The following KCNG2 variants were observed in gnomAD, a reference collection of about 807,000 sequenced individuals.
The protein encoded by KCNG2 is potassium voltage-gated channel modifier subfamily G member 2.
KCNG2 carries 7 observed loss-of-function variants against 12.3 expected under a neutral mutation model. The observed-to-expected ratio is 0.57, with a 90% CI of 0.32 to 1.07. The LOEUF is 1.07. Among genes scored for constraint, KCNG2 ranks in the 50% least tolerant of loss-of-function variants. The pLI, the probability that KCNG2 is intolerant of heterozygous loss-of-function variation, is 0.04. For missense variants in KCNG2, 703 were observed against 726.0 expected (o/e 0.97, Z 0.36); for synonymous variants, 414 against 351.4 (o/e 1.18, Z -1.99).
At chr18:79,868,373 G>A (rs1051106199) in intron 3 of KCNG2, among the ~76,000 whole-genome samples, 12 of 152,232 alleles carry the variant, frequency 7.9e-5, no homozygotes, top group Middle Eastern at 3.4e-3. Flanking sequence ...GTCGCCCTCC[G>A]CGTGGGGCCT....
intron 1 of KCNG2, among the ~76,000 whole-genome samples, chr18:79,840,721 TG>T (rs1978433951): frequency 6.6e-6 from 1 of 152,226 alleles, no homozygotes; most frequent in African/African-American, 2.4e-5. Flanking sequence ...TGACACTTTG[TG>T]GTATTGGTGG....
chr18:79,810,871 C>T (rs1435881543), intron 1 of KCNG2, among the ~76,000 whole-genome samples: 1 of 152,202 alleles, frequency 6.6e-6, no homozygotes, highest in Non-Finnish European at 1.5e-5. Context: ...TCAGGCTCTT[C>T]TCAAAAACAA....
intron 1 of KCNG2, among the ~76,000 whole-genome samples, chr18:79,854,998 T>C (rs1217714698): frequency 6.6e-6 from 1 of 152,242 alleles, no homozygotes; most frequent in Admixed American, 6.5e-5. Context: ...TTTCTAGTTT[T>C]GTTTCTTATT....
chr18:79,885,169 C>T (rs922136560), intron 3 of KCNG2, among the ~76,000 whole-genome samples: 1 of 152,306 alleles, frequency 6.6e-6, no homozygotes, highest in East Asian at 1.9e-4. Flanking sequence ...GGTGCCCGCC[C>T]AGCCAGGGCA....
At chr18:79,854,558 G>T (rs1305850816) in intron 1 of KCNG2, among the ~76,000 whole-genome samples, 1 of 126,848 alleles carries the variant, frequency 7.9e-6, no homozygotes, top group African/African-American at 2.9e-5. Flanking sequence ...ACAGGGTCTC[G>T]CTCTGTTGCC....
At chr18:79,809,502 C>T (rs1424829796) in intron 1 of KCNG2, among the ~76,000 whole-genome samples, 7 of 97,706 alleles carry the variant, frequency 7.2e-5, no homozygotes, top group African/African-American at 2.3e-4. Flanking sequence ...CCAGAGTCCG[C>T]GCTCTGAGGA....
chr18:79,861,388 C>T (rs1159167320), intron 2 of KCNG2, among the ~76,000 whole-genome samples: 2 of 151,158 alleles, frequency 1.3e-5, no homozygotes, highest in African/African-American at 2.4e-5. Context: ...GGCAATTCTC[C>T]CTGCCTCAGC....
chr18:79,884,474 G>A lies in KCNG2; in HGVS notation c.625-14566G>A, dbSNP rs1980443289. Among the ~76,000 whole-genome samples the A allele has an allele frequency of 6.6e-6, 1 of 152,198 alleles. No individual in the cohort carries two copies. The highest frequency in any genetic ancestry group is 2.1e-4 in the South Asian group (1 of 4,830). On this transcript the variant is annotated intron_variant, in intron 3 of 3. Coordinates refer to ENST00000316249, the MANE Select transcript of KCNG2 (RefSeq NM_012283.2). The surrounding 1 kb of genome is among the most constrained non-coding windows in gnomAD (Gnocchi z 5.5). ...CTTCCTTGGTTCCCCCAGTGGGATG[G>A]AGCCCCGGCCACTGGGTCCCCGGGG...
At chr18:79,874,734 G>C (rs559756596) in intron 3 of KCNG2, among the ~76,000 whole-genome samples, 1 of 152,160 alleles carries the variant, frequency 6.6e-6, no homozygotes, top group Non-Finnish European at 1.5e-5. Context: ...GTGCATCTCC[G>C]CTCCCTCCTC....
intron 1 of KCNG2, among the ~76,000 whole-genome samples, chr18:79,826,560 C>T (rs181797075): frequency 6.1e-4 from 90 of 148,438 alleles, no homozygotes; most frequent in African/African-American, 2.1e-3. Flanking sequence ...TGAGCAGCTC[C>T]TCACGGAAGG....
At chr18:79,891,557 A>G (rs1029278419) in intron 3 of KCNG2, among the ~76,000 whole-genome samples, 3 of 152,136 alleles carry the variant, frequency 2.0e-5, no homozygotes, top group South Asian at 2.1e-4. Context: ...GCTGCACCAT[A>G]TAAGTTTGGA....
chr18:79,868,103 A>G (rs1979682808), intron 3 of KCNG2, among the ~76,000 whole-genome samples: 1 of 152,172 alleles, frequency 6.6e-6, no homozygotes, highest in Non-Finnish European at 1.5e-5. Flanking sequence ...AATATCCAGG[A>G]GGGAAAATTC....
rs766600404 is a variant in KCNG2 at position 79,899,122 on chromosome 18, G to A, written c.707G>A (p.Arg236His). The change falls in exon 4 of 4, where the codon CGC becomes CAC. Residue 236 changes from arginine (R) to histidine (H), a missense_variant. Transcript: ENST00000316249. ...TGGTTCTCCTTCGAGTTCCTGCTGC[G>A]CTCCCTGCAGGCCGAGAGCAAGTGC... ...VAWFSFEFLL[R>H]SLQAESKCAF... The A allele has an allele frequency of 3.1e-6, 5 of 1,606,528 alleles. No individual in the cohort carries two copies. The highest frequency in any genetic ancestry group is 2.2e-5 in the East Asian group (1 of 44,678).
chr18:79,815,383 T>A (rs1032290159), intron 1 of KCNG2, among the ~76,000 whole-genome samples: 1 of 142,584 alleles, frequency 7.0e-6, no homozygotes, highest in Non-Finnish European at 1.5e-5. Context: ...AGGGCTGCAG[T>A]GAGCCAAGAT....
intron 1 of KCNG2, among the ~76,000 whole-genome samples, chr18:79,817,224 C>T (rs552224891): frequency 1.3e-5 from 2 of 151,568 alleles, no homozygotes; most frequent in Non-Finnish European, 2.9e-5. Flanking sequence ...GGCTGCCACA[C>T]GGCTGTCACA....
intron 3 of KCNG2, 80 bp from the exon 4 acceptor site, chr18:79,898,960 G>C: frequency 1.8e-6 from 2 of 1,135,648 alleles, no homozygotes; most frequent in South Asian, 1.7e-5. Context: ...GACGCCTCTG[G>C]TCCTGGGAAA....
At chr18:79,857,702 G>C (rs1288870656) in intron 2 of KCNG2, among the ~76,000 whole-genome samples, 1 of 151,974 alleles carries the variant, frequency 6.6e-6, no homozygotes. Context: ...TCAAGCCTCA[G>C]TGATGAGGCT....
chr18:79,896,300 GTTCT>G (rs1038041424), intron 3 of KCNG2, among the ~76,000 whole-genome samples: 3 of 149,516 alleles, frequency 2.0e-5, no homozygotes, highest in Admixed American at 2.0e-4. Flanking sequence ...TTTTTTTTTA[GTTCT>G]TTCTTTTAGT....
rs542076857 is a variant in KCNG2 at position 79,830,274 on chromosome 18, G to A, written c.-114-26105G>A. On this transcript the variant is annotated intron_variant, in intron 1 of 3. Coordinates refer to ENST00000316249, the MANE Select transcript of KCNG2 (RefSeq NM_012283.2). ...AAGCAGAACGTGACGTGTTGTTTCA[G>A]GGGTTTGAGAAGTGCTGGCAGGGTT... 5.8e-4 allele frequency among the ~76,000 whole-genome samples: 89 copies of A among 152,282 alleles called. 1 individual carries two copies. The highest frequency in any genetic ancestry group is 2.0e-3 in the African/African-American group (85 of 41,550).
Sources: gnomAD v4.1 joint callset for allele counts (sites outside exome capture counted in the v4.1 genomes callset) on GRCh38, gnomAD v4.1.1 for gene constraint, Gnocchi (gnomAD v3.1) non-coding constraint, MANE v1.5 for transcripts, NCBI Gene and HGNC (gene_info 2026-07-23, HGNC 2026-07-21) for gene names.